Variants in STXBP5L observed in about 807,000 individuals in gnomAD.
STXBP5L encodes the protein syntaxin binding protein 5L, also known as syntaxin-binding protein 5-like.
Under a neutral mutation model 144.5 loss-of-function variants are expected in STXBP5L, and 65 were observed. That is an observed-to-expected ratio of 0.45 (90% confidence interval 0.37 to 0.55). The LOEUF is 0.55. Ranked by LOEUF, STXBP5L falls within the 20% of genes least tolerant of loss-of-function variation. STXBP5L has a pLI of 0.00. For synonymous variants in STXBP5L, 505 were observed against 469.6 expected, an observed-to-expected ratio of 1.08 and a Z score of -0.97; for missense variants, 1,298 against 1,405.5, an observed-to-expected ratio of 0.92 and a Z score of 1.22.
intron 3 of STXBP5L, among the ~76,000 whole-genome samples, chr3:121,009,670 G>A (rs1944624230): frequency 1.3e-5 from 2 of 151,938 alleles, no homozygotes; most frequent in African/African-American, 4.8e-5. Flanking sequence ...ATTAGAGAAA[G>A]GTGAAATGGG....
At chr3:121,184,758 A>G (rs2047302052) in intron 9 of STXBP5L, among the ~76,000 whole-genome samples, 1 of 152,116 alleles carries the variant, frequency 6.6e-6, no homozygotes, top group African/African-American at 2.4e-5. Context: ...CAAGACACAC[A>G]ATTGTCTGAT....
At chr3:121,269,947 C>T (rs1313607160) in intron 18 of STXBP5L, among the ~76,000 whole-genome samples, 1 of 152,126 alleles carries the variant, frequency 6.6e-6, no homozygotes, top group African/African-American at 2.4e-5. Context: ...CCTGTGAGAT[C>T]CTTAGACTTA....
intron 19 of STXBP5L, among the ~76,000 whole-genome samples, chr3:121,312,604 C>T (rs1421464020): frequency 5.3e-5 from 8 of 150,574 alleles, no homozygotes; most frequent in East Asian, 1.9e-4. Flanking sequence ...GAGGACCCTG[C>T]GGCCTTCCGC....
intron 3 of STXBP5L, among the ~76,000 whole-genome samples, chr3:121,009,351 G>A (rs1944596303): frequency 6.6e-6 from 1 of 151,842 alleles, no homozygotes; most frequent in Admixed American, 6.6e-5. Context: ...CTAGACTCCT[G>A]ACCAACCAAT....
chr3:121,341,587 C>T (rs983647279), intron 20 of STXBP5L, among the ~76,000 whole-genome samples: 3 of 151,918 alleles, frequency 2.0e-5, no homozygotes, highest in Non-Finnish European at 4.4e-5. Context: ...CAGCACTATT[C>T]ACAGTAGCCA....
At chr3:121,302,190 G>A (rs1204944617) in intron 19 of STXBP5L, among the ~76,000 whole-genome samples, 1 of 151,992 alleles carries the variant, frequency 6.6e-6, no homozygotes, top group African/African-American at 2.4e-5. Context: ...CTTTTTTTTG[G>A]TTGGTAATTA....
rs10717806 is a variant in STXBP5L, at chr3:121,194,909, C to CTTTTTTTTTTTTTT, written c.878-11002_878-10989dup. Among the ~76,000 whole-genome samples, 8 of 68,494 alleles carry CTTTTTTTTTTTTTT rather than the reference C, an allele frequency of 1.2e-4. 1 individual carries two copies. Among genetic ancestry groups the CTTTTTTTTTTTTTT allele is most frequent in the African/African-American group, 2.5e-4 (4 of 16,110 alleles). The allele number at this position is 68,494 out of a possible 152,430, so 44.9% of individuals were successfully genotyped here. A position where few individuals can be genotyped will look rare whatever the true frequency, so the allele number is the denominator to read the frequency against. On this transcript the variant is annotated intron_variant, in intron 9 of 26. Transcript: ENST00000471454. Reference sequence around the variant, plus strand: ...TCTGAGATAGGTCCCTCTTTTCACTCTTTTTTTTTTTTTTTTTTTTTTTTT... The same window carrying CTTTTTTTTTTTTTT: ...TCTGAGATAGGTCCCTCTTTTCACTCTTTTTTTTTTTTTTTTTTTTTTTTTTTTTTTTTTTTTTT...
intron 18 of STXBP5L, among the ~76,000 whole-genome samples, chr3:121,272,142 T>C (rs539061702): frequency 1.6e-4 from 25 of 152,342 alleles, no homozygotes; most frequent in Non-Finnish European, 2.6e-4. Context: ...TAGATCCATC[T>C]GCACTAACAT....
In STXBP5L at chr3:121,368,758, TGGA is replaced by T. The variant is rs540464246; in HGVS notation, c.2177-9957_2177-9955del. On this transcript the variant is annotated intron_variant, in intron 20 of 26. Transcript: ENST00000471454. The stretch of plus-strand genomic sequence containing the variant: ...CTTAAGCCTTTTCTGAGCTTTTCTC[TGGA>T]TATGTGTGGTCATTTTCTAATTTTC... Among the ~76,000 whole-genome samples the T allele has an allele frequency of 5.3e-4, 80 of 152,308 alleles. 2 individuals are homozygous for T. The highest frequency in any genetic ancestry group is 1.9e-3 in the South Asian group (9 of 4,830).
intron 9 of STXBP5L, among the ~76,000 whole-genome samples, chr3:121,181,921 A>G (rs932000917): frequency 2.0e-5 from 3 of 151,902 alleles, no homozygotes; most frequent in African/African-American, 7.3e-5. Context: ...ATATCAGACA[A>G]CATAGACATT....
At chr3:121,123,660 T>C (rs1313619352) in intron 7 of STXBP5L, among the ~76,000 whole-genome samples, 1 of 151,730 alleles carries the variant, frequency 6.6e-6, no homozygotes, top group Non-Finnish European at 1.5e-5. Flanking sequence ...ATTTTATTTG[T>C]GTTGTTCAAA....
chr3:121,041,671 G>A (rs1372820654), intron 3 of STXBP5L, 29 bp from the exon 4 acceptor site: 2 of 1,529,212 alleles, frequency 1.3e-6, no homozygotes, highest in South Asian at 2.2e-5. Flanking sequence ...TAATTAAAAT[G>A]TTAGAATCCT....
intron 2 of STXBP5L, among the ~76,000 whole-genome samples, chr3:120,914,780 C>T (rs1709023662): frequency 6.6e-6 from 1 of 152,098 alleles, no homozygotes; most frequent in African/African-American, 2.4e-5. Flanking sequence ...GTAGAGGCAT[C>T]TTTAAGAATG....
intron 22 of STXBP5L, among the ~76,000 whole-genome samples, chr3:121,399,283 G>A (rs1277422702): frequency 6.6e-6 from 1 of 152,086 alleles, no homozygotes; most frequent in Non-Finnish European, 1.5e-5. Flanking sequence ...GAGTACTCGG[G>A]TGTCCTCCAG....
intron 3 of STXBP5L, among the ~76,000 whole-genome samples, chr3:120,966,751 G>A (rs72966749): frequency 0.019 from 2,824 of 152,248 alleles, 88 homozygotes; most frequent in African/African-American, 0.065. Flanking sequence ...GCTACAAGGG[G>A]GTCAGGGACC....
At position 121,422,830 on chromosome 3, in the gene STXBP5L, G is replaced by A. The variant is rs1055205896; in HGVS notation, c.*3733G>A. 2 of 152,076 alleles carry A rather than the reference G, an allele frequency of 1.3e-5. No individual in the cohort carries two copies. The highest frequency in any genetic ancestry group is 4.8e-5 in the African/African-American group (2 of 41,402). The allele number at this position is 152,076 out of a possible 1,614,324, so 9.4% of individuals were successfully genotyped here. A position where few individuals can be genotyped will look rare whatever the true frequency, so the allele number is the denominator to read the frequency against. On this transcript the variant is annotated 3_prime_UTR_variant, in exon 27 of 27. Coordinates refer to ENST00000471454, the MANE Select transcript of STXBP5L (RefSeq NM_001308330.2). ...ATCTGAAGGAAAAGGTTTACTGTTG[G>A]AGTCCCTTTTTATGTGACCCATGTA...
chr3:121,143,423 T>C (rs1462689626), intron 7 of STXBP5L, among the ~76,000 whole-genome samples: 1 of 151,248 alleles, frequency 6.6e-6, no homozygotes, highest in African/African-American at 2.4e-5. Context: ...GATGCAAAAA[T>C]CCTCAACAAA....
At chr3:121,341,139 T>A (rs10804553) in intron 20 of STXBP5L, among the ~76,000 whole-genome samples, 22,360 of 151,960 alleles carry the variant, frequency 0.15, 1,849 homozygotes, top group South Asian at 0.28. Context: ...CCAGAATATA[T>A]AAGGAGCTCA....
chr3:121,270,229 G>A (rs2050695693), intron 18 of STXBP5L, among the ~76,000 whole-genome samples: 1 of 106,794 alleles, frequency 9.4e-6, no homozygotes, highest in Non-Finnish European at 2.0e-5. Flanking sequence ...CTAAGAAGAA[G>A]AGCTTTTTTT....
Sources: gnomAD v4.1 joint callset for allele counts (sites outside exome capture counted in the v4.1 genomes callset) on GRCh38, gnomAD v4.1.1 for gene constraint, MANE v1.5 for transcripts, NCBI Gene and HGNC (gene_info 2026-07-23, HGNC 2026-07-21) for gene names.